TMEM161B: variants seen among roughly 807,000 people sequenced by gnomAD.
TMEM161B encodes the protein transmembrane protein 161B.
Under a neutral mutation model 61.8 loss-of-function variants are expected in TMEM161B, and 34 were observed. The observed-to-expected ratio is 0.55, with a 90% confidence interval of 0.42 to 0.73. The LOEUF (loss-of-function observed/expected upper bound fraction) is 0.73, where lower values mean the gene tolerates loss of function less well. Ranked by LOEUF, TMEM161B falls within the 30% of genes least tolerant of loss-of-function variation. The pLI is 0.00. For missense variants in TMEM161B, 456 were observed against 558.5 expected (o/e 0.82, Z 1.85); for synonymous variants, 167 against 192.8 (o/e 0.87, Z 1.11).
At chr5:88,265,764 C>T (rs1167058035) in intron 1 of TMEM161B, among the ~76,000 whole-genome samples, 1 of 152,172 alleles carries the variant, frequency 6.6e-6, no homozygotes, top group African/African-American at 2.4e-5. Flanking sequence ...AACTTTTCAT[C>T]AAATCCAATT....
intron 1 of TMEM161B, among the ~76,000 whole-genome samples, chr5:88,256,706 C>A (rs1755033094): frequency 1.3e-5 from 2 of 152,202 alleles, no homozygotes; most frequent in Non-Finnish European, 2.9e-5. Context: ...AGCCTCCATT[C>A]CCAGGAGGGT....
chr5:88,231,799 C>A (rs942596841), intron 2 of TMEM161B, among the ~76,000 whole-genome samples: 1 of 152,214 alleles, frequency 6.6e-6, no homozygotes, highest in Non-Finnish European at 1.5e-5. Context: ...AGGGGAAATA[C>A]AGGGTTAGGT....
At chr5:88,214,065 A>G (rs1239741352) in intron 5 of TMEM161B, among the ~76,000 whole-genome samples, 1 of 152,214 alleles carries the variant, frequency 6.6e-6, no homozygotes, top group African/African-American at 2.4e-5. Context: ...CCCACAGCAA[A>G]TAAAAACAAC....
chr5:88,228,409 A>T, intron 3 of TMEM161B, 36 bp downstream of exon 3: 1 of 1,391,518 alleles, frequency 7.2e-7, no homozygotes, highest in Non-Finnish European at 1.0e-6. Context: ...AAATTGTGTT[A>T]AATATTTATT....
chr5:88,193,546 G>A (rs1482466196), downstream of TMEM161B, among the ~76,000 whole-genome samples: 1 of 151,982 alleles, frequency 6.6e-6, no homozygotes, highest in Admixed American at 6.6e-5. Context: ...AACCAAACCT[G>A]TTACTTAAAA....
chr5:88,223,103 C>T (rs1375337570), intron 4 of TMEM161B, among the ~76,000 whole-genome samples: 1 of 149,228 alleles, frequency 6.7e-6, no homozygotes, highest in Non-Finnish European at 1.5e-5. Context: ...CCATAAACTA[C>T]ATGCTAAAGC....
chr5:88,231,162 C>T (rs754802353), intron 2 of TMEM161B, among the ~76,000 whole-genome samples: 13 of 152,144 alleles, frequency 8.5e-5, no homozygotes, highest in South Asian at 2.1e-4. Flanking sequence ...TTACCCTATG[C>T]GCTTTCTTTA....
At chr5:88,193,859 C>T (rs753819793), downstream of TMEM161B, among the ~76,000 whole-genome samples, 11 of 152,108 alleles carry the variant, frequency 7.2e-5, no homozygotes, top group Non-Finnish European at 1.3e-4. Flanking sequence ...AAAACAAACA[C>T]ATTTTGATGA....
intron 4 of TMEM161B, chr5:88,221,783 T>C (rs913364135): frequency 6.6e-6 from 3 of 456,050 alleles, no homozygotes; most frequent in Non-Finnish European, 1.3e-5. Context: ...AAGTAAATCA[T>C]GTACATAACC....
downstream of TMEM161B, among the ~76,000 whole-genome samples, chr5:88,192,705 C>T (rs1318556503): frequency 3.9e-5 from 6 of 152,178 alleles, no homozygotes. Context: ...TGCAAAGACA[C>T]AGGATGATCT....
chr5:88,246,838 C>G (rs925359141), intron 1 of TMEM161B, among the ~76,000 whole-genome samples: 2 of 151,990 alleles, frequency 1.3e-5, no homozygotes, highest in Non-Finnish European at 2.9e-5. Context: ...AATACCAAGT[C>G]TATCATGGCT....
intron 1 of TMEM161B, among the ~76,000 whole-genome samples, chr5:88,243,616 A>C (rs1434017358): frequency 6.6e-6 from 1 of 151,846 alleles, no homozygotes; most frequent in Non-Finnish European, 1.5e-5. Context: ...ATATCCAATA[A>C]TGGGATTACT....
chr5:88,195,066 G>A lies in TMEM161B; in HGVS notation c.*1145C>T. 6.3e-6 allele frequency: 5 copies of A among 798,944 alleles called. No homozygotes were observed. Among genetic ancestry groups the A allele is most frequent in the Non-Finnish European group, 7.6e-6 (5 of 659,930 alleles). 49.5% of individuals were successfully genotyped at this position (798,944 alleles called of 1,614,324 possible). A position where few individuals can be genotyped will look rare whatever the true frequency, so the allele number is the denominator to read the frequency against. ...TTTAACAAAGGCATACATGATACCT[G>A]TAGACCTGATTTGAGAGGGAAAGAT... On this transcript the variant is annotated 3_prime_UTR_variant, in exon 12 of 12. Transcript: ENST00000296595.
At chr5:88,255,320 C>T (rs1580715832) in intron 1 of TMEM161B, among the ~76,000 whole-genome samples, 2 of 152,148 alleles carry the variant, frequency 1.3e-5, no homozygotes, top group East Asian at 3.9e-4. Context: ...TCTGGTATCC[C>T]ACTACTGTGG....
chr5:88,202,891 G>C (rs1208425604), intron 9 of TMEM161B, 71 bp downstream of exon 9: 1 of 1,009,398 alleles, frequency 9.9e-7, no homozygotes, highest in South Asian at 1.3e-5. Context: ...CACTGAAAAC[G>C]AAATACAGTA....
chr5:88,242,759 T>G (rs757730359), intron 1 of TMEM161B, among the ~76,000 whole-genome samples: 39 of 151,742 alleles, frequency 2.6e-4, no homozygotes, highest in Non-Finnish European at 4.6e-4. Flanking sequence ...TTATCACTAC[T>G]AGAAGACACA....
In TMEM161B at chr5:88,225,645, G is replaced by A. The variant is rs1580521517; in HGVS notation, c.289+124C>T. 4 of 546,134 alleles carry A rather than the reference G, an allele frequency of 7.3e-6. No homozygotes were observed. In the East Asian group the frequency reaches 1.3e-4, roughly 18 times the overall value. The allele number at this position is 546,134 out of a possible 1,614,324, so 33.8% of individuals were successfully genotyped here. A position where few individuals can be genotyped will look rare whatever the true frequency, so the allele number is the denominator to read the frequency against. On this transcript the variant is annotated intron_variant, in intron 4 of 11. Coordinates refer to ENST00000296595, the MANE Select transcript of TMEM161B (RefSeq NM_153354.5). ...ATTTAATTCAAATGAAGTCATTTGA[G>A]CTTCTAAGTTCTTAGAAAGATTCCA...
At chr5:88,248,549 T>C (rs1407041360) in intron 1 of TMEM161B, among the ~76,000 whole-genome samples, 1 of 152,072 alleles carries the variant, frequency 6.6e-6, no homozygotes, top group East Asian at 1.9e-4. Context: ...CTTACAATTC[T>C]TGCGGTTCCA....
intron 1 of TMEM161B, among the ~76,000 whole-genome samples, chr5:88,254,291 C>T (rs1296063764): frequency 6.6e-6 from 1 of 152,076 alleles, no homozygotes; most frequent in Non-Finnish European, 1.5e-5. Flanking sequence ...TCTAGATGTC[C>T]TACCTTCCAG....
Sources: gnomAD v4.1 joint callset for allele counts (sites outside exome capture counted in the v4.1 genomes callset) on GRCh38, gnomAD v4.1.1 for gene constraint, MANE v1.5 for transcripts, NCBI Gene and HGNC (gene_info 2026-07-23, HGNC 2026-07-21) for gene names.